Variants in TSPAN12 observed in about 807,000 individuals in gnomAD.
TSPAN12 encodes the protein tetraspanin-12.
A neutral mutation model predicts 39.2 loss-of-function variants in TSPAN12; 19 were observed. That is an observed-to-expected ratio of 0.49 (90% CI 0.34 to 0.71). The LOEUF is 0.71. TSPAN12 is among the 30% of genes least tolerant of loss of function. The pLI, the probability that TSPAN12 is intolerant of heterozygous loss-of-function variation, is 0.01. For missense variants in TSPAN12, 314 were observed against 359.9 expected (o/e 0.87, Z 1.03); for synonymous variants, 119 against 124.8 (o/e 0.95, Z 0.31).
chr7:120,849,657 C>T (rs886440), intron 2 of TSPAN12, among the ~76,000 whole-genome samples: 33,050 of 152,112 alleles, frequency 0.22, 3,906 homozygotes, highest in Non-Finnish European at 0.23. Context: ...AAAAGGACTT[C>T]GACAAATAAT....
chr7:120,838,750 T>C (rs1410547663), intron 4 of TSPAN12, 27 bp downstream of exon 4: 3 of 1,607,958 alleles, frequency 1.9e-6, no homozygotes, highest in Non-Finnish European at 1.7e-6. Flanking sequence ...TTTTTAACTA[T>C]AATAAAGAGA....
intron 4 of TSPAN12, 81 bp downstream of exon 4, chr7:120,838,696 T>A: frequency 6.8e-7 from 1 of 1,466,586 alleles, no homozygotes. Context: ...CACTGCTCCC[T>A]AATCTTGTGA....
intron 4 of TSPAN12, among the ~76,000 whole-genome samples, chr7:120,824,969 T>C (rs1215054649): frequency 6.6e-6 from 1 of 152,172 alleles, no homozygotes. Flanking sequence ...CTCATTCCTT[T>C]CAACTTTACA....
chr7:120,852,453 C>G (rs565670160), intron 2 of TSPAN12, among the ~76,000 whole-genome samples: 43 of 152,236 alleles, frequency 2.8e-4, no homozygotes, highest in African/African-American at 1.0e-3. Flanking sequence ...TTGTAATTCC[C>G]ATGAGAACTA....
At chr7:120,806,831 G>C in intron 6 of TSPAN12, 139 bp from the exon 7 acceptor site, 2 of 1,065,848 alleles carry the variant, frequency 1.9e-6, no homozygotes, top group South Asian at 2.8e-5. Context: ...TACAGTCTAT[G>C]TTGATGATAG....
At chr7:120,814,536 G>A (rs1794043591) in intron 5 of TSPAN12, among the ~76,000 whole-genome samples, 1 of 152,156 alleles carries the variant, frequency 6.6e-6, no homozygotes, top group African/African-American at 2.4e-5. Flanking sequence ...GAAAAAGTCT[G>A]GCCTCCCTCC....
chr7:120,843,637 T>A (rs2116481108), intron 2 of TSPAN12, among the ~76,000 whole-genome samples: 1 of 152,332 alleles, frequency 6.6e-6, no homozygotes, highest in Non-Finnish European at 1.5e-5. Flanking sequence ...CTGACCCTAG[T>A]GTTTCCCCTC....
At chr7:120,789,764 G>T (rs1228420902) in intron 7 of TSPAN12, among the ~76,000 whole-genome samples, 1 of 152,130 alleles carries the variant, frequency 6.6e-6, no homozygotes, top group Non-Finnish European at 1.5e-5. Context: ...GAAAAATTGA[G>T]CTGTAGACAT....
intron 4 of TSPAN12, among the ~76,000 whole-genome samples, chr7:120,834,588 T>C (rs993720917): frequency 3.3e-5 from 5 of 152,050 alleles, no homozygotes; most frequent in East Asian, 1.9e-4. Context: ...AGCTCTTTTT[T>C]ATATATATAT....
At chr7:120,826,447 A>G (rs1794288281) in intron 4 of TSPAN12, among the ~76,000 whole-genome samples, 1 of 152,182 alleles carries the variant, frequency 6.6e-6, no homozygotes, top group Non-Finnish European at 1.5e-5. Context: ...CCCTATCTCA[A>G]AAGATTTACA....
At chr7:120,833,649 T>C (rs554729457) in intron 4 of TSPAN12, among the ~76,000 whole-genome samples, 2 of 152,274 alleles carry the variant, frequency 1.3e-5, no homozygotes, top group South Asian at 4.1e-4. Context: ...TCCAACTTAA[T>C]TTCTGACAAG....
At position 120,806,429 on chromosome 7, in the gene TSPAN12, A is replaced by C. The variant is rs1793874824; in HGVS notation, c.612+120T>G. 8 of 1,105,446 alleles carry C rather than the reference A, an allele frequency of 7.2e-6. No individual in the cohort carries two copies. In the South Asian group the frequency reaches 1.2e-4, roughly 16 times the overall value. 68.5% of individuals were successfully genotyped at this position (1,105,446 alleles called of 1,614,324 possible). On this transcript the variant is annotated intron_variant, in intron 7 of 7. Transcript: ENST00000222747. Reference sequence around the variant, plus strand: ...TCTGCTTCTCCCCATATTAGAGAAAAATTTTAAGGCCTTTTACATTTAGAC... The same window carrying C: ...TCTGCTTCTCCCCATATTAGAGAAACATTTTAAGGCCTTTTACATTTAGAC...
intron 7 of TSPAN12, among the ~76,000 whole-genome samples, chr7:120,796,266 A>G (rs1279590735): frequency 6.6e-6 from 1 of 152,180 alleles, no homozygotes; most frequent in Non-Finnish European, 1.5e-5. Context: ...AAACAAGCAA[A>G]GTGAAAAACT....
intron 5 of TSPAN12, chr7:120,814,307 T>G (rs1794039138): frequency 2.2e-6 from 1 of 455,612 alleles, no homozygotes; most frequent in African/African-American, 2.0e-5. Context: ...TTTAAAATGT[T>G]GAAGATGCAC....
chr7:120,800,274 G>A (rs574361933), intron 7 of TSPAN12, among the ~76,000 whole-genome samples: 1 of 152,146 alleles, frequency 6.6e-6, no homozygotes, highest in Admixed American at 6.5e-5. Flanking sequence ...GTTTACCACT[G>A]ATACAGTTTC....
chr7:120,856,774 G>GT lies in TSPAN12; in HGVS notation c.-12dup. 1 of 1,614,094 alleles carries GT rather than the reference G, an allele frequency of 6.2e-7. No individual in the cohort carries two copies. The highest frequency in any genetic ancestry group is 1.1e-5 in the South Asian group (1 of 91,084). ...ATCTTCTCTGGCCATTGTGAGCCCCGTAAGGGAGAAGCCCCATCCTTTCAC... is the reference window on the plus strand; with the variant it reads ...ATCTTCTCTGGCCATTGTGAGCCCCGTTAAGGGAGAAGCCCCATCCTTTCAC... On this transcript the variant is annotated 5_prime_UTR_variant, in exon 2 of 8. An upstream open reading frame in the 5' UTR gains an earlier in-frame stop. Transcript: ENST00000222747.
chr7:120,813,292 GC>G (rs1434680133), intron 5 of TSPAN12, among the ~76,000 whole-genome samples: 1 of 152,158 alleles, frequency 6.6e-6, no homozygotes, highest in Non-Finnish European at 1.5e-5. Context: ...CTTTTAAACA[GC>G]CCTTGCTCCA....
At chr7:120,796,014 G>A (rs903564464) in intron 7 of TSPAN12, among the ~76,000 whole-genome samples, 1 of 152,120 alleles carries the variant, frequency 6.6e-6, no homozygotes, top group Admixed American at 6.5e-5. Flanking sequence ...CTATTACATA[G>A]GTAGAATAAC....
At chr7:120,826,692 G>A (rs1562947234) in intron 4 of TSPAN12, among the ~76,000 whole-genome samples, 1 of 152,026 alleles carries the variant, frequency 6.6e-6, no homozygotes, top group Non-Finnish European at 1.5e-5. Flanking sequence ...CAAAAGAGGG[G>A]AATGAGTTCA....
Sources: allele counts gnomAD v4.1 joint callset (sites outside exome capture counted in the v4.1 genomes callset), GRCh38; gene constraint gnomAD v4.1.1; transcripts MANE v1.5; gene names NCBI Gene and HGNC (gene_info 2026-07-23, HGNC 2026-07-21).